HS3ST5: variants seen among roughly 807,000 people sequenced by gnomAD.
HS3ST5 encodes heparan sulfate-glucosamine 3-sulfotransferase 5, also known as heparan sulfate glucosamine 3-O-sulfotransferase 5.
Under a neutral mutation model 25.4 loss-of-function variants are expected in HS3ST5, and 10 were observed. The observed-to-expected ratio is 0.39, with a 90% CI of 0.24 to 0.67. The LOEUF is 0.67. HS3ST5 is among the 30% of genes least tolerant of loss of function. The probability of loss-of-function intolerance (pLI) is 0.44; values close to 1 mark genes in which losing one functional copy is unlikely to be tolerated. For synonymous variants in HS3ST5, 170 were observed against 162.4 expected (o/e 1.05, Z -0.36); for missense variants, 324 against 420.7 (o/e 0.77, Z 2.01).
intron 3 of HS3ST5, chr6:114,132,023 C>G (rs1477298092): frequency 6.6e-6 from 1 of 152,084 alleles, no homozygotes. Context: ...TATTTGCACC[C>G]TAAATTTTAA....
At position 114,058,209 on chromosome 6, in the gene HS3ST5, C is replaced by T. The variant is rs1001352553; in HGVS notation, c.108-19G>A. 19 of 1,564,848 alleles carry T rather than the reference C, an allele frequency of 1.2e-5. No individual in the cohort carries two copies. In the African/African-American group the frequency reaches 2.3e-4, roughly 19 times the overall value. The stretch of plus-strand genomic sequence containing the variant: ...TTGTAGCCTGCAAGCAAGACAGAGA[C>T]ACTTTAAGCTCATTGCAACTAACTT... On this transcript the variant is annotated intron_variant, in intron 4 of 4. Transcript: ENST00000312719.
At chr6:114,194,771 G>A (rs1299027552) in intron 2 of HS3ST5, among the ~76,000 whole-genome samples, 1 of 152,158 alleles carries the variant, frequency 6.6e-6, no homozygotes, top group Admixed American at 6.5e-5. Flanking sequence ...CACATGGGCA[G>A]GTCTCTCCTT....
chr6:114,340,294 C>T (rs976741822), intron 1 of HS3ST5, among the ~76,000 whole-genome samples: 3 of 152,188 alleles, frequency 2.0e-5, no homozygotes, highest in African/African-American at 7.2e-5. Context: ...CTCATAATTT[C>T]CCATGTAATT....
At chr6:114,077,821 A>G (rs1042361728) in intron 3 of HS3ST5, among the ~76,000 whole-genome samples, 1 of 152,182 alleles carries the variant, frequency 6.6e-6, no homozygotes, top group African/African-American at 2.4e-5. Flanking sequence ...TGTGTATATA[A>G]ATGGCTTTTA....
intron 3 of HS3ST5, among the ~76,000 whole-genome samples, chr6:114,137,729 C>T (rs1777699109): frequency 6.6e-6 from 1 of 152,116 alleles, no homozygotes; most frequent in African/African-American, 2.4e-5. Context: ...ACTGAGCTCC[C>T]CTTCTTTGCC....
intron 1 of HS3ST5, among the ~76,000 whole-genome samples, chr6:114,292,546 C>A (rs1774626861): frequency 6.6e-6 from 1 of 152,160 alleles, no homozygotes; most frequent in South Asian, 2.1e-4. Context: ...AAAACCACAG[C>A]AGATGGATAT....
intron 1 of HS3ST5, among the ~76,000 whole-genome samples, chr6:114,335,318 A>T (rs548296697): frequency 1.3e-5 from 2 of 152,308 alleles, no homozygotes; most frequent in East Asian, 3.9e-4. Flanking sequence ...AAAAAAAAAA[A>T]AAAAATCTAA....
Position 114,057,914 on chromosome 6 carries a change from A to G in HS3ST5, c.384T>C (p.Asn128=), listed in dbSNP as rs1439389372. 2 of 1,614,056 alleles carry G rather than the reference A, an allele frequency of 1.2e-6. No individual in the cohort carries two copies. Among genetic ancestry groups the G allele is most frequent in the Non-Finnish European group, 1.7e-6 (2 of 1,180,032 alleles). ...KASQEIHFFD[N]DENYGKGIEW... Reference sequence around the variant, plus strand: ...CAATGCCCTTACCATAATTCTCATCATTATCAAAAAAGTGGATTTCTTGAG... The same window carrying G: ...CAATGCCCTTACCATAATTCTCATCGTTATCAAAAAAGTGGATTTCTTGAG... The change falls in exon 5 of 5, where the codon AAT becomes AAC. Residue 128 remains asparagine, a synonymous_variant. Transcript: ENST00000312719.
intron 1 of HS3ST5, among the ~76,000 whole-genome samples, chr6:114,323,115 T>C (rs1776033846): frequency 6.6e-6 from 1 of 152,108 alleles, no homozygotes; most frequent in Non-Finnish European, 1.5e-5. Context: ...TCTTAAGCCA[T>C]TGAGACTGGT....
intron 2 of HS3ST5, among the ~76,000 whole-genome samples, chr6:114,190,778 C>T (rs551056387): frequency 6.6e-6 from 1 of 152,280 alleles, no homozygotes; most frequent in African/African-American, 2.4e-5. Flanking sequence ...TAAAGCTCTG[C>T]ATGGAGTTCT....
intron 3 of HS3ST5, among the ~76,000 whole-genome samples, chr6:114,120,333 A>G (rs1776727899): frequency 6.6e-6 from 1 of 152,202 alleles, no homozygotes. Context: ...ACTGAGGTAC[A>G]GAGAAATGAA....
intron 1 of HS3ST5, among the ~76,000 whole-genome samples, chr6:114,298,252 A>G (rs1399400338): frequency 2.0e-5 from 3 of 152,248 alleles, no homozygotes; most frequent in Non-Finnish European, 4.4e-5. Flanking sequence ...ATGCATATCT[A>G]GCACTGTTCA....
chr6:114,249,542 T>G (rs1772545810), intron 1 of HS3ST5, among the ~76,000 whole-genome samples: 1 of 152,202 alleles, frequency 6.6e-6, no homozygotes, highest in Admixed American at 6.5e-5. Context: ...GCTAATTTCC[T>G]CAAGTGCTAA....
At chr6:114,083,356 C>A (rs1774573362) in intron 3 of HS3ST5, among the ~76,000 whole-genome samples, 1 of 152,056 alleles carries the variant, frequency 6.6e-6, no homozygotes, top group Non-Finnish European at 1.5e-5. Context: ...TAACAAAATT[C>A]TTCCCTTACC....
chr6:114,150,785 ATATT>A, intron 3 of HS3ST5, among the ~76,000 whole-genome samples: 2 of 152,354 alleles, frequency 1.3e-5, no homozygotes, highest in Non-Finnish European at 2.9e-5. Context: ...ATTTGTACTC[ATATT>A]TATTTATTCA....
chr6:114,111,766 T>A (rs1425924548), intron 3 of HS3ST5, among the ~76,000 whole-genome samples: 1 of 152,198 alleles, frequency 6.6e-6, no homozygotes, highest in African/African-American at 2.4e-5. Context: ...GGAAAATGAC[T>A]TGTTACTCAT....
At chr6:114,125,451 G>A (rs1233759288) in intron 3 of HS3ST5, among the ~76,000 whole-genome samples, 1 of 152,188 alleles carries the variant, frequency 6.6e-6, no homozygotes, top group Admixed American at 6.5e-5. Flanking sequence ...AAGAGTCATT[G>A]AATTCTAGTA....
At chr6:114,115,729 T>C (rs1776491944) in intron 3 of HS3ST5, among the ~76,000 whole-genome samples, 1 of 152,122 alleles carries the variant, frequency 6.6e-6, no homozygotes, top group East Asian at 1.9e-4. Flanking sequence ...ATTTTTTGTT[T>C]GAAATCCTGT....
chr6:114,101,428 C>A (rs1488390572), intron 3 of HS3ST5, among the ~76,000 whole-genome samples: 1 of 152,144 alleles, frequency 6.6e-6, no homozygotes, highest in Non-Finnish European at 1.5e-5. Flanking sequence ...TAAAAAAGCA[C>A]CACGTGGTTA....
Sources: gnomAD v4.1 joint callset for allele counts (sites outside exome capture counted in the v4.1 genomes callset) on GRCh38, gnomAD v4.1.1 for gene constraint, MANE v1.5 for transcripts, NCBI Gene and HGNC (gene_info 2026-07-23, HGNC 2026-07-21) for gene names.